The following GULP1 variants were observed in gnomAD, a reference collection of about 807,000 sequenced individuals.
The protein encoded by GULP1 is GULP PTB domain containing engulfment adaptor 1, also known as PTB domain-containing engulfment adapter protein 1.
In GULP1, 19 loss-of-function variants were observed where a neutral mutation model predicts 40.9. The ratio of observed to expected loss-of-function variants is 0.46; its 90% CI spans 0.32 to 0.68. The LOEUF is 0.68. Among genes scored for constraint, GULP1 ranks in the 30% least tolerant of loss-of-function variants. The pLI, the probability that GULP1 is intolerant of heterozygous loss-of-function variation, is 0.03. For missense variants in GULP1, 312 were observed against 362.2 expected, an observed-to-expected ratio of 0.86 and a Z score of 1.12; for synonymous variants, 119 against 117.6, an observed-to-expected ratio of 1.01 and a Z score of -0.08.
intron 6 of GULP1, among the ~76,000 whole-genome samples, chr2:188,536,935 T>C (rs1182655316): frequency 6.6e-6 from 1 of 152,082 alleles, no homozygotes; most frequent in Admixed American, 6.6e-5. Context: ...TTTATTTTTT[T>C]TGTTGACTAT....
chr2:188,337,930 G>C (rs1233334982), intron 1 of GULP1, among the ~76,000 whole-genome samples: 1 of 152,090 alleles, frequency 6.6e-6, no homozygotes, highest in East Asian at 1.9e-4. Flanking sequence ...AGAAGCACTA[G>C]ATCCATGAGA....
chr2:188,425,931 T>G (rs2056137102), intron 2 of GULP1, among the ~76,000 whole-genome samples: 1 of 152,180 alleles, frequency 6.6e-6, no homozygotes, highest in African/African-American at 2.4e-5. Context: ...CCTTTTTAAT[T>G]TAATTTTTTA....
chr2:188,359,581 C>G (rs889881907), intron 1 of GULP1, among the ~76,000 whole-genome samples: 1 of 152,084 alleles, frequency 6.6e-6, no homozygotes, highest in Non-Finnish European at 1.5e-5. Flanking sequence ...TCAAGTTAGT[C>G]TCATGGGAAA....
At chr2:188,553,159 A>G (rs1165517365) in intron 7 of GULP1, among the ~76,000 whole-genome samples, 3 of 151,846 alleles carry the variant, frequency 2.0e-5, no homozygotes, top group South Asian at 4.1e-4. Context: ...CTGTTTTCCA[A>G]TTTGGATGCT....
chr2:188,557,308 G>A (rs1695017865), intron 7 of GULP1, among the ~76,000 whole-genome samples: 1 of 152,168 alleles, frequency 6.6e-6, no homozygotes, highest in Admixed American at 6.5e-5. Flanking sequence ...TCACTTATGA[G>A]ACTGCAAAAT....
chr2:188,510,695 C>A (rs528735891), intron 4 of GULP1, among the ~76,000 whole-genome samples: 1 of 148,104 alleles, frequency 6.8e-6, no homozygotes, highest in Admixed American at 6.7e-5. Context: ...AAAAATCCCA[C>A]TTGTCTCATG....
chr2:188,381,895 T>G (rs1429331304), intron 1 of GULP1, among the ~76,000 whole-genome samples: 3 of 152,184 alleles, frequency 2.0e-5, no homozygotes, highest in African/African-American at 7.2e-5. Context: ...TGAAATGAAT[T>G]GTGTCATTCA....
At chr2:188,411,123 C>T (rs967348084) in intron 2 of GULP1, among the ~76,000 whole-genome samples, 2 of 150,770 alleles carry the variant, frequency 1.3e-5, no homozygotes, top group Admixed American at 6.6e-5. Flanking sequence ...ACTGGCTGAT[C>T]GGGGCATGGC....
intron 2 of GULP1, among the ~76,000 whole-genome samples, chr2:188,412,616 T>C (rs2054051242): frequency 1.3e-5 from 2 of 152,158 alleles, no homozygotes; most frequent in Admixed American, 1.3e-4. Flanking sequence ...ACAAACCCTT[T>C]ACGATACTGT....
chr2:188,332,983 C>G (rs2041813987), intron 1 of GULP1, among the ~76,000 whole-genome samples: 1 of 152,088 alleles, frequency 6.6e-6, no homozygotes, highest in Non-Finnish European at 1.5e-5. Flanking sequence ...GTGGCTCATG[C>G]CTGTAATCCC....
chr2:188,457,751 G>A (rs988200431), intron 2 of GULP1, among the ~76,000 whole-genome samples: 19 of 151,988 alleles, frequency 1.3e-4, no homozygotes, highest in African/African-American at 4.6e-4. Context: ...TTACTTGTGT[G>A]GAAAAATCCC....
At chr2:188,300,882 A>G (rs2036009456) in intron 1 of GULP1, among the ~76,000 whole-genome samples, 1 of 152,190 alleles carries the variant, frequency 6.6e-6, no homozygotes, top group Non-Finnish European at 1.5e-5. Context: ...TGTCAAGATC[A>G]CAATAAGAAA....
chr2:188,406,005 A>G (rs1237485369), intron 2 of GULP1, among the ~76,000 whole-genome samples: 2 of 152,206 alleles, frequency 1.3e-5, no homozygotes, highest in Admixed American at 6.5e-5. Context: ...AAATACGGTC[A>G]TGTCACTTAA....
intron 4 of GULP1, among the ~76,000 whole-genome samples, chr2:188,488,186 G>A (rs184646252): frequency 2.0e-5 from 3 of 152,056 alleles, no homozygotes; most frequent in East Asian, 3.9e-4. Flanking sequence ...CCCCTCAAGA[G>A]TAAGCTCTAT....
At chr2:188,467,771 A>G (rs910358072) in intron 2 of GULP1, among the ~76,000 whole-genome samples, 1 of 152,168 alleles carries the variant, frequency 6.6e-6, no homozygotes, top group African/African-American at 2.4e-5. Flanking sequence ...AACATTTTAA[A>G]AGATATGAAA....
chr2:188,348,727 T>C (rs2044041362), intron 1 of GULP1, among the ~76,000 whole-genome samples: 1 of 152,120 alleles, frequency 6.6e-6, no homozygotes, highest in Non-Finnish European at 1.5e-5. Flanking sequence ...TCACCCAGCT[T>C]CTCCAGTGGT....
chr2:188,423,940 G>A (rs1445091829), intron 2 of GULP1, among the ~76,000 whole-genome samples: 1 of 151,362 alleles, frequency 6.6e-6, no homozygotes, highest in East Asian at 1.9e-4. Context: ...ATGAATTTTA[G>A]TCCTAAAATA....
At chr2:188,501,791 C>T (rs2063460335) in intron 4 of GULP1, among the ~76,000 whole-genome samples, 1 of 151,922 alleles carries the variant, frequency 6.6e-6, no homozygotes, top group Non-Finnish European at 1.5e-5. Context: ...TGGTATGCTC[C>T]TGCTGTTCTG....
chr2:188,321,834 T>A (rs374648450), intron 1 of GULP1, among the ~76,000 whole-genome samples: 1 of 151,992 alleles, frequency 6.6e-6, no homozygotes, highest in Non-Finnish European at 1.5e-5. Flanking sequence ...CTGACCAACA[T>A]GGTGAAACAC....
Sources: gnomAD v4.1 joint callset for allele counts (sites outside exome capture counted in the v4.1 genomes callset) on GRCh38, gnomAD v4.1.1 for gene constraint, MANE v1.5 for transcripts, NCBI Gene and HGNC (gene_info 2026-07-23, HGNC 2026-07-21) for gene names.